GALNT6: variants seen among roughly 807,000 people sequenced by gnomAD.
GALNT6 encodes GalNAc transferase 6.
Under a neutral mutation model 65.9 loss-of-function variants are expected in GALNT6, and 51 were observed. The observed-to-expected ratio is 0.77, with a 90% CI of 0.62 to 0.98. The LOEUF (loss-of-function observed/expected upper bound fraction) is 0.98, where lower values mean the gene tolerates loss of function less well. Among genes scored for constraint, GALNT6 ranks in the 50% least tolerant of loss-of-function variants. The probability of loss-of-function intolerance (pLI) is 0.00; values close to 1 mark genes in which losing one functional copy is unlikely to be tolerated. For missense variants in GALNT6, 708 were observed against 803.3 expected (o/e 0.88, Z 1.43); for synonymous variants, 323 against 315.1 (o/e 1.02, Z -0.26).
At chr12:51,364,798 A>G (rs1947040622) in intron 5 of GALNT6, among the ~76,000 whole-genome samples, 4 of 152,236 alleles carry the variant, frequency 2.6e-5, no homozygotes, top group Admixed American at 2.0e-4. Flanking sequence ...TGAGATTTTC[A>G]GTGAGCTTCT....
intron 2 of GALNT6, among the ~76,000 whole-genome samples, chr12:51,383,733 C>T (rs1232916712): frequency 6.6e-6 from 1 of 152,110 alleles, no homozygotes; most frequent in Non-Finnish European, 1.5e-5. Context: ...TGGGATTAGC[C>T]TTGGTGGTGA....
At chr12:51,367,343 G>A (rs1049526709) in intron 4 of GALNT6, among the ~76,000 whole-genome samples, 1 of 152,194 alleles carries the variant, frequency 6.6e-6, no homozygotes, top group Non-Finnish European at 1.5e-5. Flanking sequence ...GCTGAGGCAG[G>A]AGAACTGCTT....
At chr12:51,357,126 C>A (rs1231214226) in intron 10 of GALNT6, among the ~76,000 whole-genome samples, 1 of 152,142 alleles carries the variant, frequency 6.6e-6, no homozygotes, top group Non-Finnish European at 1.5e-5. Flanking sequence ...TGATGAACAA[C>A]CCTCCCTCCC....
chr12:51,385,859 G>A (rs775403583), intron 2 of GALNT6, among the ~76,000 whole-genome samples: 1 of 151,954 alleles, frequency 6.6e-6, no homozygotes, highest in Admixed American at 6.6e-5. Flanking sequence ...CTTGGAGACA[G>A]GGTCTCACTC....
At chr12:51,378,287 T>G (rs1414210026) in intron 3 of GALNT6, among the ~76,000 whole-genome samples, 1 of 152,208 alleles carries the variant, frequency 6.6e-6, no homozygotes, top group Non-Finnish European at 1.5e-5. Flanking sequence ...TCTGAGTAGC[T>G]GGGATTACAG....
chr12:51,354,837 A>C (rs1363279138), intron 11 of GALNT6, among the ~76,000 whole-genome samples: 1 of 152,114 alleles, frequency 6.6e-6, no homozygotes, highest in Non-Finnish European at 1.5e-5. Context: ...GCCTTGGATT[A>C]TGTTTAGACT....
At position 51,368,444 on chromosome 12, in the gene GALNT6, G is replaced by A. The variant is rs1308842570; in HGVS notation, c.665-2865C>T. 6.9e-5 allele frequency among the ~76,000 whole-genome samples: 10 copies of A among 144,062 alleles called. No homozygotes were observed. The East Asian group carries it at 8.1e-4, about 12-fold the overall frequency. 94.5% of individuals were successfully genotyped at this position (144,062 alleles called of 152,430 possible). A position where few individuals can be genotyped will look rare whatever the true frequency, so the allele number is the denominator to read the frequency against. ...TTTGGAGACAGAGTCTTACTCTGTC[G>A]CCCAGGCTGGAGTGCAGTGGTGCAA... On this transcript the variant is annotated intron_variant, in intron 4 of 11. Transcript: ENST00000356317.
intron 4 of GALNT6, among the ~76,000 whole-genome samples, chr12:51,375,800 G>C (rs142946911): frequency 0.014 from 2,199 of 152,020 alleles, 21 homozygotes; most frequent in Non-Finnish European, 0.024. Context: ...TAAGCAATCT[G>C]CCTGCCTCGG....
At position 51,365,499 on chromosome 12, in the gene GALNT6, G is replaced by GC; in HGVS notation, c.744dup (p.Leu249AlafsTer25). 6.2e-7 allele frequency: 1 copy of GC among 1,612,510 alleles called. No individual in the cohort carries two copies. Among genetic ancestry groups the GC allele is most frequent in the Non-Finnish European group, 8.5e-7 (1 of 1,179,996 alleles). On this transcript the variant is annotated frameshift_variant, in exon 5 of 12. Transcript: ENST00000356317. LOFTEE classifies it high-confidence loss of function. ...GCCCCCAGCAGCCGGGCGGTGATCA[G>GC]CCCCTTCCGCTCCTCCTGCCGCACC...
intron 6 of GALNT6, among the ~76,000 whole-genome samples, chr12:51,362,055 A>AG (rs923925187): frequency 4.6e-5 from 7 of 152,244 alleles, no homozygotes; most frequent in African/African-American, 1.7e-4. Flanking sequence ...AGTCGTGCTC[A>AG]GGCTGGCTTC....
At chr12:51,366,750 C>T (rs1947118840) in intron 4 of GALNT6, among the ~76,000 whole-genome samples, 1 of 152,206 alleles carries the variant, frequency 6.6e-6, no homozygotes, top group African/African-American at 2.4e-5. Flanking sequence ...GAAGATGTCT[C>T]TACTGAGACC....
At chr12:51,365,201 A>G (rs1190738587) in intron 5 of GALNT6, among the ~76,000 whole-genome samples, 2 of 152,118 alleles carry the variant, frequency 1.3e-5, no homozygotes, top group Non-Finnish European at 2.9e-5. Flanking sequence ...ACTGGAAATC[A>G]CTTCCAGTGA....
chr12:51,361,558 T>G (rs1351164212), intron 6 of GALNT6, among the ~76,000 whole-genome samples: 1 of 152,126 alleles, frequency 6.6e-6, no homozygotes, highest in South Asian at 2.1e-4. Flanking sequence ...ATTTAGAAGG[T>G]TATAAAAAGA....
At position 51,379,678 on chromosome 12, in the gene GALNT6, T is replaced by G. The variant is rs770943058; in HGVS notation, c.104A>C (p.Glu35Ala). ...FLLHRDVSSR[E>A]EATEKPWLKS... ...CAGCCACGGCTTCTCTGTGGCCTCC[T>G]CTCTGCTGCTCACATCCCTATGCAG... Residue 35 changes from glutamate to alanine, a missense_variant, in exon 3 of 12, where the codon GAG becomes GCG. By Grantham distance (107) the Glu-to-Ala change is moderately radical. Transcript: ENST00000356317. The G allele has an allele frequency of 9.3e-6, 15 of 1,613,976 alleles. No individual in the cohort carries two copies. The highest frequency in any genetic ancestry group is 1.1e-5 in the Non-Finnish European group (13 of 1,179,968).
chr12:51,369,476 A>G (rs1215726291), intron 4 of GALNT6, among the ~76,000 whole-genome samples: 1 of 151,976 alleles, frequency 6.6e-6, no homozygotes, highest in African/African-American at 2.4e-5. Context: ...CAGCCTTCCA[A>G]CTTAGGTTCA....
chr12:51,360,781 G>T lies in GALNT6; in HGVS notation c.1107C>A (p.Ile369=). 3 of 1,613,778 alleles carry T rather than the reference G, an allele frequency of 1.9e-6. No homozygotes were observed. The highest frequency in any genetic ancestry group is 2.5e-6 in the Non-Finnish European group (3 of 1,179,708). ...FSISKSYFEH[I]GTYDNQMEIW... ...TCTCCATCTGATTATCATAGGTACC[G>T]ATGTGCTCAAAGTAGGACTTGGAGA... The change falls in exon 7 of 12, where the codon ATC becomes ATA. Residue 369 remains isoleucine, a synonymous_variant. Coordinates refer to ENST00000356317, the MANE Select transcript of GALNT6 (RefSeq NM_007210.4).
At chr12:51,374,572 C>T (rs1947392525) in intron 4 of GALNT6, among the ~76,000 whole-genome samples, 1 of 152,182 alleles carries the variant, frequency 6.6e-6, no homozygotes, top group Non-Finnish European at 1.5e-5. Context: ...AGCAGCTCTA[C>T]TGGAGTGGCC....
chr12:51,356,077 C>G lies in GALNT6; in HGVS notation c.1603-119G>C. ...GGAGGAGAGTGAATGTGAGGCCATG[C>G]CAAGACTTTACTCATTTATGTGCTG... is the stretch of plus-strand genomic sequence containing the variant. On this transcript the variant is annotated intron_variant, in intron 10 of 11. Coordinates refer to ENST00000356317, the MANE Select transcript of GALNT6 (RefSeq NM_007210.4). 3.6e-6 allele frequency: 3 copies of G among 837,846 alleles called. No homozygotes were observed. In the South Asian group the frequency reaches 4.9e-5, roughly 14 times the overall value. 51.9% of individuals were successfully genotyped at this position (837,846 alleles called of 1,614,324 possible). A position where few individuals can be genotyped will look rare whatever the true frequency, so the allele number is the denominator to read the frequency against.
intron 6 of GALNT6, 100 bp from the exon 7 acceptor site, chr12:51,360,938 C>G (rs1373600196): frequency 2.9e-6 from 2 of 681,970 alleles, no homozygotes; most frequent in Non-Finnish European, 5.3e-6. Context: ...ACCCACCTCC[C>G]CCTCCTTTCC....
Sources: allele counts gnomAD v4.1 joint callset (sites outside exome capture counted in the v4.1 genomes callset), GRCh38; gene constraint gnomAD v4.1.1; transcripts MANE v1.5; gene names NCBI Gene and HGNC (gene_info 2026-07-23, HGNC 2026-07-21).